The following ZNF326 variants were observed in gnomAD, a reference collection of about 807,000 sequenced individuals.
The protein encoded by ZNF326 is zinc finger protein 326.
In ZNF326, 30 loss-of-function variants were observed where a neutral mutation model predicts 63.1. The ratio of observed to expected loss-of-function variants is 0.48; its 90% CI spans 0.36 to 0.64. The LOEUF (loss-of-function observed/expected upper bound fraction) is 0.64. Ranked by LOEUF, ZNF326 falls within the 30% of genes least tolerant of loss-of-function variation. The pLI, the probability that ZNF326 is intolerant of heterozygous loss-of-function variation, is 0.00. For synonymous variants in ZNF326, 194 were observed against 228.2 expected (o/e 0.85, Z 1.35); for missense variants, 609 against 720.3 (o/e 0.85, Z 1.77).
intron 1 of ZNF326, among the ~76,000 whole-genome samples, chr1:89,997,410 G>C (rs1006795115): frequency 1.2e-4 from 18 of 151,706 alleles, no homozygotes; most frequent in Non-Finnish European, 2.5e-4. Flanking sequence ...GTCTCGTTCT[G>C]TCGCCCAGGC....
rs1217465211 is a variant in ZNF326 at position 90,031,886 on chromosome 1, C to A, written c.*4185C>A. 1.3e-5 allele frequency: 2 copies of A among 152,152 alleles called. No homozygotes were observed. The highest frequency in any genetic ancestry group is 1.3e-4 in the Admixed American group (2 of 15,274). The allele number at this position is 152,152 out of a possible 1,614,324, so 9.4% of individuals were successfully genotyped here. A position where few individuals can be genotyped will look rare whatever the true frequency, so the allele number is the denominator to read the frequency against. The stretch of plus-strand genomic sequence containing the variant: ...ACAAACTTTTGATTACAGTTTGACA[C>A]CTGTTGATGGACAGAAAATGGAGTA... On this transcript the variant is annotated 3_prime_UTR_variant, in exon 12 of 12. Coordinates refer to ENST00000340281, the MANE Select transcript of ZNF326 (RefSeq NM_182976.4).
chr1:90,033,629 A>G lies in ZNF326; in HGVS notation c.*5928A>G, dbSNP rs1650363214. ...ATTAGTTGAATAAACATGGCTGAGA[A>G]TCAAATTACTGAGCTAGAATTTTGA... is the stretch of plus-strand genomic sequence containing the variant. On this transcript the variant is annotated 3_prime_UTR_variant, in exon 12 of 12. Transcript: ENST00000340281. 3 of 152,176 alleles carry G rather than the reference A, an allele frequency of 2.0e-5. No homozygotes were observed. The South Asian group carries it at 6.2e-4, about 32-fold the overall frequency. The allele number at this position is 152,176 out of a possible 1,614,324, so 9.4% of individuals were successfully genotyped here. A position where few individuals can be genotyped will look rare whatever the true frequency, so the allele number is the denominator to read the frequency against.
Position 90,027,678 on chromosome 1 carries a change from G to C in ZNF326, c.1726G>C (p.Val576Leu). The C allele has an allele frequency of 6.2e-7, 1 of 1,614,026 alleles. No homozygotes were observed. Among genetic ancestry groups the C allele is most frequent in the Non-Finnish European group, 8.5e-7 (1 of 1,179,976 alleles). ...AAAGGAAGAACCTGCTGACTTCCCT[G>C]TTGAGCAACCTGAAGAAAATTAAAT... ...TAKEEPADFP[V>L]EQPEEN Residue 576 changes from valine to leucine, a missense_variant, in exon 12 of 12, where the codon GTT becomes CTT. Val to Leu is a conservative substitution (Grantham distance 32, BLOSUM62 1). Coordinates refer to ENST00000340281, the MANE Select transcript of ZNF326 (RefSeq NM_182976.4).
rs36098492 is a variant in ZNF326 at position 90,030,340 on chromosome 1, C to CTTTT, written c.*2649_*2652dup. 7.0e-6 allele frequency: 1 copy of CTTTT among 143,528 alleles called. No individual in the cohort carries two copies. Among genetic ancestry groups the CTTTT allele is most frequent in the African/African-American group, 2.6e-5 (1 of 39,214 alleles). 8.9% of individuals were successfully genotyped at this position (143,528 alleles called of 1,614,324 possible). ...TAATTCAGATGATGTTAATCTCATG[C>CTTTT]TTTTTTTTTTTTTGTACCTATACAG... On this transcript the variant is annotated 3_prime_UTR_variant, in exon 12 of 12. Coordinates refer to ENST00000340281, the MANE Select transcript of ZNF326 (RefSeq NM_182976.4).
chr1:90,006,207 A>G lies in ZNF326; in HGVS notation c.209+963A>G, dbSNP rs368755355. The G allele has an allele frequency of 1.8e-5, 18 of 985,376 alleles. No individual in the cohort carries two copies. The African/African-American group carries it at 3.0e-4, about 16-fold the overall frequency. 61.0% of individuals were successfully genotyped at this position (985,376 alleles called of 1,614,324 possible). ...TGCAACTATTTTGCTTATGTGATAG[A>G]TGTTTTGAAAAATGTAGTTGGAAAT... On this transcript the variant is annotated intron_variant, in intron 4 of 11. Transcript: ENST00000340281.
At chr1:90,008,243 A>C (rs1021485885) in intron 5 of ZNF326, among the ~76,000 whole-genome samples, 3 of 152,240 alleles carry the variant, frequency 2.0e-5, no homozygotes, top group Non-Finnish European at 2.9e-5. Context: ...AGATCAGGAT[A>C]GCTTAGCCAT....
rs371451408 is a variant in ZNF326, at chr1:90,013,835, G to A, written c.926+598G>A. 5.1e-4 allele frequency among the ~76,000 whole-genome samples: 78 copies of A among 152,036 alleles called. 1 individual carries two copies. The East Asian group carries it at 0.012, about 23-fold the overall frequency. On this transcript the variant is annotated intron_variant, in intron 7 of 11. Coordinates refer to ENST00000340281, the MANE Select transcript of ZNF326 (RefSeq NM_182976.4). ...TCCCAGCACTTTGGGAGGCCGAGGCGGGCAGATCACGAGGTCAGGAGATCA... is the reference window on the plus strand; with the variant it reads ...TCCCAGCACTTTGGGAGGCCGAGGCAGGCAGATCACGAGGTCAGGAGATCA...
At chr1:90,022,483 T>A in intron 11 of ZNF326, 138 bp downstream of exon 11, 1 of 642,154 alleles carries the variant, frequency 1.6e-6, no homozygotes, top group Non-Finnish European at 2.7e-6. Flanking sequence ...TGCATATAGG[T>A]AAAACATCTT....
At chr1:90,004,976 G>T in intron 2 of ZNF326, 27 bp from the exon 3 acceptor site, 2 of 1,606,142 alleles carry the variant, frequency 1.2e-6, no homozygotes, top group Non-Finnish European at 1.7e-6. Context: ...GTATTTTACT[G>T]ACAATTTCTT....
rs1648916630 is a variant in ZNF326, at chr1:90,005,141, C to G, written c.106C>G (p.Arg36Gly). 3 of 1,613,750 alleles carry G rather than the reference C, an allele frequency of 1.9e-6. No individual in the cohort carries two copies. The highest frequency in any genetic ancestry group is 2.5e-6 in the Non-Finnish European group (3 of 1,179,948). ...TTTTTAAACTCTTATAGGGATGGAT[C>G]GTGACTATGGCCATGGATCCTATGG... ...YGPGSYGGMD[R>G]DYGHGSYGGQ... Residue 36 changes from arginine to glycine, a missense_variant, in exon 4 of 12, where the codon CGT becomes GGT. By Grantham distance (125) the Arg-to-Gly change is moderately radical. Around this residue, in one of 3 missense-constraint regions of ZNF326, gnomAD observed 97 missense variants for 88.7 expected, o/e 1.09. Transcript: ENST00000340281.
In ZNF326 at chr1:90,005,114, T is replaced by C; in HGVS notation, c.98-19T>C. Reference sequence around the variant, plus strand: ...AAAGGTGAGCATCATATAACTTTTTTCTTTTTAAACTCTTATAGGGATGGA... The same window carrying C: ...AAAGGTGAGCATCATATAACTTTTTCCTTTTTAAACTCTTATAGGGATGGA... On this transcript the variant is annotated intron_variant, in intron 3 of 11. Coordinates refer to ENST00000340281, the MANE Select transcript of ZNF326 (RefSeq NM_182976.4). The C allele has an allele frequency of 6.2e-7, 1 of 1,613,984 alleles. No homozygotes were observed. The highest frequency in any genetic ancestry group is 8.5e-7 in the Non-Finnish European group (1 of 1,179,992).
Position 90,005,172 on chromosome 1 carries a change from A to G in ZNF326, c.137A>G (p.Gln46Arg). The G allele has an allele frequency of 6.2e-7, 1 of 1,614,036 alleles. No homozygotes were observed. ...RDYGHGSYGG[Q>R]RSMDSYLNQS... ...TATGGCCATGGATCCTATGGGGGTC[A>G]GAGATCCATGGATTCCTACCTAAAC... The change falls in exon 4 of 12, where the codon CAG becomes CGG. Residue 46 changes from glutamine to arginine, a missense_variant. Gln to Arg is a conservative substitution (Grantham distance 43). This residue lies in a region of ZNF326 where 97 missense variants were observed against 88.7 expected (regional missense o/e 1.09). Coordinates refer to ENST00000340281, the MANE Select transcript of ZNF326 (RefSeq NM_182976.4).
intron 2 of ZNF326, among the ~76,000 whole-genome samples, chr1:90,000,615 G>A (rs1486447799): frequency 6.6e-6 from 1 of 152,146 alleles, no homozygotes; most frequent in Non-Finnish European, 1.5e-5. Flanking sequence ...TGAGATGGGA[G>A]GATCGATTGA....
chr1:90,005,119 T>C lies in ZNF326; in HGVS notation c.98-14T>C. On this transcript the variant is annotated splice_polypyrimidine_tract_variant and intron_variant, in intron 3 of 11. Transcript: ENST00000340281. The stretch of plus-strand genomic sequence containing the variant: ...TGAGCATCATATAACTTTTTTCTTT[T>C]TAAACTCTTATAGGGATGGATCGTG... 1 of 1,613,990 alleles carries C rather than the reference T, an allele frequency of 6.2e-7. No individual in the cohort carries two copies. The highest frequency in any genetic ancestry group is 8.5e-7 in the Non-Finnish European group (1 of 1,179,984).
intron 2 of ZNF326, among the ~76,000 whole-genome samples, chr1:89,998,637 T>TAA (rs1247251458): frequency 6.6e-6 from 1 of 152,184 alleles, no homozygotes; most frequent in Non-Finnish European, 1.5e-5. Flanking sequence ...GCTTGATTGT[T>TAA]TATTGACATG....
At chr1:90,004,669 G>A (rs866202410) in intron 2 of ZNF326, among the ~76,000 whole-genome samples, 15 of 152,008 alleles carry the variant, frequency 9.9e-5, no homozygotes, top group Admixed American at 7.9e-4. Context: ...TGGGCAACAC[G>A]GTGAAAGCCC....
At chr1:90,010,061 A>C (rs1649162776) in intron 5 of ZNF326, 27 bp from the exon 6 acceptor site, 2 of 1,602,090 alleles carry the variant, frequency 1.2e-6, no homozygotes. Context: ...CAATATGCTA[A>C]TATTTATTGA....
chr1:90,009,346 G>A (rs560101632), intron 5 of ZNF326, among the ~76,000 whole-genome samples: 1 of 152,202 alleles, frequency 6.6e-6, no homozygotes, highest in Non-Finnish European at 1.5e-5. Context: ...CTGTGGACAT[G>A]TGGCCTCTTG....
chr1:90,033,840 G>A lies in ZNF326; in HGVS notation c.*6139G>A, dbSNP rs1279723791. On this transcript the variant is annotated 3_prime_UTR_variant, in exon 12 of 12. Coordinates refer to ENST00000340281, the MANE Select transcript of ZNF326 (RefSeq NM_182976.4). ...TTGAATACCCTGCATATATCACAGT[G>A]CCAGGTAAATACTATGCAATAAATA... The A allele has an allele frequency of 2.0e-5, 3 of 151,888 alleles. No individual in the cohort carries two copies. Among genetic ancestry groups the A allele is most frequent in the African/African-American group, 7.3e-5 (3 of 41,348 alleles). 9.4% of individuals were successfully genotyped at this position (151,888 alleles called of 1,614,324 possible). A position where few individuals can be genotyped will look rare whatever the true frequency, so the allele number is the denominator to read the frequency against.
Sources: gnomAD v4.1 joint callset for allele counts (sites outside exome capture counted in the v4.1 genomes callset) on GRCh38, gnomAD v4.1.1 for gene constraint, gnomAD v4.1.1 regional missense constraint, MANE v1.5 for transcripts, NCBI Gene and HGNC (gene_info 2026-07-23, HGNC 2026-07-21) for gene names.